Variants in RBFOX1 observed in about 807,000 individuals in gnomAD.
The protein encoded by RBFOX1 is RNA binding fox-1 homolog 1.
In RBFOX1, 8 loss-of-function variants were observed where a neutral mutation model predicts 57.7. That is an observed-to-expected ratio of 0.14 (90% CI 0.08 to 0.25). The LOEUF (loss-of-function observed/expected upper bound fraction) is 0.25, where lower values mean the gene tolerates loss of function less well. Among genes scored for constraint, RBFOX1 ranks in the 10% least tolerant of loss-of-function variants. The pLI is 1.00. For synonymous variants in RBFOX1, 326 were observed against 222.4 expected, an observed-to-expected ratio of 1.47 and a Z score of -4.15; for missense variants, 611 against 548.5, an observed-to-expected ratio of 1.11 and a Z score of -1.14.
intron 3 of RBFOX1, among the ~76,000 whole-genome samples, chr16:5,793,410 C>T (rs1339007346): frequency 2.0e-5 from 3 of 152,214 alleles, no homozygotes; most frequent in Non-Finnish European, 4.4e-5. Flanking sequence ...GAAGATTTAC[C>T]CTGATTTTCA....
At chr16:6,807,831 T>C (rs1412951392) in intron 3 of RBFOX1, among the ~76,000 whole-genome samples, 1 of 151,780 alleles carries the variant, frequency 6.6e-6, no homozygotes, top group African/African-American at 2.4e-5. Context: ...AGATGCTTAT[T>C]ATATATATAG....
intron 3 of RBFOX1, among the ~76,000 whole-genome samples, chr16:6,964,918 C>A (rs1255703738): frequency 2.6e-5 from 4 of 152,160 alleles, no homozygotes; most frequent in Admixed American, 2.6e-4. Flanking sequence ...CAGGCTAATC[C>A]CCATCTCTGC....
At chr16:7,316,975 C>CACACACAA (rs769211647) in intron 4 of RBFOX1, among the ~76,000 whole-genome samples, 1 of 151,182 alleles carries the variant, frequency 6.6e-6, no homozygotes, top group Non-Finnish European at 1.5e-5. Context: ...CACACACACA[C>CACACACAA]ACACACACAC....
intron 4 of RBFOX1, among the ~76,000 whole-genome samples, chr16:7,155,711 A>AT (rs1453935931): frequency 3.8e-4 from 23 of 61,080 alleles, no homozygotes; most frequent in Non-Finnish European, 6.3e-4. Flanking sequence ...AAAAAAAAAA[A>AT]AATATATATA....
At chr16:5,754,497 G>T (rs1199314569) in intron 3 of RBFOX1, among the ~76,000 whole-genome samples, 1 of 144,442 alleles carries the variant, frequency 6.9e-6, no homozygotes, top group Admixed American at 7.0e-5. Context: ...GAAATAAGGG[G>T]ACCCGGGGAA....
chr16:7,233,398 T>A (rs2093611569), intron 4 of RBFOX1, among the ~76,000 whole-genome samples: 1 of 152,216 alleles, frequency 6.6e-6, no homozygotes, highest in Admixed American at 6.5e-5. Context: ...CCATTTGTAA[T>A]TTTAAACATT....
intron 2 of RBFOX1, among the ~76,000 whole-genome samples, chr16:6,614,185 G>A (rs544745277): frequency 6.6e-6 from 1 of 152,150 alleles, no homozygotes; most frequent in Non-Finnish European, 1.5e-5. Flanking sequence ...TTCAGATCTT[G>A]TTTCTTCTAA....
At chr16:7,001,852 A>T (rs1459343111) in intron 3 of RBFOX1, among the ~76,000 whole-genome samples, 1 of 152,190 alleles carries the variant, frequency 6.6e-6, no homozygotes, top group Admixed American at 6.5e-5. Flanking sequence ...AACTCTGTTC[A>T]GCACTTGTCT....
At chr16:6,888,663 C>T (rs908232282) in intron 3 of RBFOX1, among the ~76,000 whole-genome samples, 1 of 151,928 alleles carries the variant, frequency 6.6e-6, no homozygotes, top group African/African-American at 2.4e-5. Context: ...TATTTCTGAC[C>T]CAGATGTCTC....
chr16:5,467,064 A>G (rs538672408), intron 1 of RBFOX1, among the ~76,000 whole-genome samples: 3 of 152,290 alleles, frequency 2.0e-5, no homozygotes, highest in African/African-American at 7.2e-5. Flanking sequence ...AGCCTGACAC[A>G]TGTTAGGCAT....
At chr16:6,311,864 C>A (rs79594793) in intron 1 of RBFOX1, among the ~76,000 whole-genome samples, 16 of 152,136 alleles carry the variant, frequency 1.1e-4, no homozygotes, top group African/African-American at 2.9e-4. Flanking sequence ...GGGCACTAAC[C>A]TCTCTACCAC....
At chr16:6,944,230 A>C (rs540776103) in intron 3 of RBFOX1, among the ~76,000 whole-genome samples, 2 of 151,886 alleles carry the variant, frequency 1.3e-5, no homozygotes, top group African/African-American at 4.8e-5. Flanking sequence ...CCCTTTCTCT[A>C]CTAAAAATAC....
chr16:6,514,035 C>G (rs1598620434), intron 2 of RBFOX1, among the ~76,000 whole-genome samples: 1 of 152,286 alleles, frequency 6.6e-6, no homozygotes, highest in East Asian at 1.9e-4. Flanking sequence ...GAATCAACAC[C>G]TCAAGGCATG....
chr16:5,975,453 G>A (rs146930124), intron 4 of RBFOX1, among the ~76,000 whole-genome samples: 13 of 152,292 alleles, frequency 8.5e-5, no homozygotes, highest in Admixed American at 2.0e-4. Context: ...AAAACCGAGT[G>A]TGCTTATAAC....
intron 3 of RBFOX1, among the ~76,000 whole-genome samples, chr16:6,692,161 G>C (rs2060294579): frequency 6.6e-6 from 1 of 152,156 alleles, no homozygotes; most frequent in Non-Finnish European, 1.5e-5. Flanking sequence ...CTATTTTACA[G>C]ATGACAAAAC....
intron 3 of RBFOX1, among the ~76,000 whole-genome samples, chr16:5,779,913 C>G (rs1030579811): frequency 2.0e-5 from 3 of 152,278 alleles, no homozygotes; most frequent in Admixed American, 1.3e-4. Context: ...AGATGGTAAT[C>G]ATACTGATCT....
rs575208973 is a variant in RBFOX1 at position 5,781,317 on chromosome 16, T to C, written c.319-85986T>C. ...AAGGTTTATCCATAGCCTCCTCCTC[T>C]TGACTCTATTGACTCTATTGAACCT... On this transcript the variant is annotated intron_variant, in intron 3 of 19. Coordinates refer to the RBFOX1 transcript ENST00000641259. Among the ~76,000 whole-genome samples, 9 of 152,298 alleles carry C rather than the reference T, an allele frequency of 5.9e-5. No homozygotes were observed. In the South Asian group the frequency reaches 1.9e-3, roughly 32 times the overall value.
chr16:6,502,207 G>A (rs2095955339), intron 2 of RBFOX1, among the ~76,000 whole-genome samples: 1 of 152,110 alleles, frequency 6.6e-6, no homozygotes, highest in African/African-American at 2.4e-5. Flanking sequence ...TCTTTCTCAT[G>A]GGGAGCTATG....
chr16:7,068,718 G>C (rs1388342542), intron 4 of RBFOX1, among the ~76,000 whole-genome samples: 1 of 152,076 alleles, frequency 6.6e-6, no homozygotes, highest in Admixed American at 6.6e-5. Context: ...CTCCCAAGTA[G>C]CTGGGATTAC....
Sources: gnomAD v4.1 joint callset for allele counts (sites outside exome capture counted in the v4.1 genomes callset) on GRCh38, gnomAD v4.1.1 for gene constraint, MANE v1.5 for transcripts, NCBI Gene and HGNC (gene_info 2026-07-23, HGNC 2026-07-21) for gene names.